Variants in FANCD2 observed in about 807,000 individuals in gnomAD.
FANCD2 encodes FA complementation group D2, also known as Fanconi anemia group D2 protein.
FANCD2 carries 131 observed loss-of-function variants against 192.3 expected under a neutral mutation model. The observed-to-expected ratio is 0.68, with a 90% CI of 0.59 to 0.79. FANCD2 has a LOEUF of 0.79. FANCD2 is among the 30% of genes least tolerant of loss of function. The pLI is 0.00. For missense variants in FANCD2, 1,508 were observed against 1,701.6 expected (o/e 0.89, Z 2.00); for synonymous variants, 524 against 612.5 (o/e 0.86, Z 2.13).
chr3:10,041,021 C>G (rs2086851075), intron 9 of FANCD2: 1 of 163,108 alleles, frequency 6.1e-6, no homozygotes, highest in Non-Finnish European at 1.3e-5. Context: ...TGGTGAAAAG[C>G]CGTCTTTCAA....
In FANCD2 at chr3:10,087,259, A is replaced by C. The variant is rs1559403675; in HGVS notation, c.3461A>C (p.Lys1154Thr). 2 of 1,605,648 alleles carry C rather than the reference A, an allele frequency of 1.2e-6. No individual in the cohort carries two copies. Among genetic ancestry groups the C allele is most frequent in the Admixed American group, 3.4e-5 (2 of 59,668 alleles). ...KSTASAQNKE[K>T]IASLARQFLC... The stretch of plus-strand genomic sequence containing the variant: ...ACAGCTTCTGCTCAGAACAAAGAAA[A>C]AATTGGTGATGGGCCTAGATCCTTT... Residue 1154 changes from lysine (K) to threonine (T), a missense_variant, in exon 34 of 44, where the codon AAA (lysine) becomes ACA (threonine). Lys to Thr is a moderately conservative substitution (Grantham distance 78). Transcript: ENST00000675286.
chr3:10,079,547 G>A (rs994571076), intron 30 of FANCD2, among the ~76,000 whole-genome samples: 11 of 151,750 alleles, frequency 7.2e-5, no homozygotes, highest in African/African-American at 2.7e-4. Flanking sequence ...CTCATGATCC[G>A]CCCACCTCGG....
chr3:10,101,376 T>C lies in FANCD2; in HGVS notation c.*114T>C. On this transcript the variant is annotated 3_prime_UTR_variant, in exon 44 of 44. Coordinates refer to ENST00000675286, the MANE Select transcript of FANCD2 (RefSeq NM_001018115.3). ...TACTGGTAGGATCCTTTTTTGTTCC[T>C]CTTTTTTTTTTTTTTTTTTTTTTTT... The C allele has an allele frequency of 1.7e-5, 9 of 514,648 alleles. No individual in the cohort carries two copies. Among genetic ancestry groups the C allele is most frequent in the Non-Finnish European group, 2.1e-5 (6 of 288,466 alleles). The allele number at this position is 514,648 out of a possible 1,614,324, so 31.9% of individuals were successfully genotyped here.
At chr3:10,095,438 G>T (rs1477814460) in intron 41 of FANCD2, 164 bp downstream of exon 41, 2 of 674,854 alleles carry the variant, frequency 3.0e-6, no homozygotes, top group Non-Finnish European at 5.4e-6. Context: ...TTGAGATTGG[G>T]CAGTCCTCTA....
At chr3:10,040,662 T>A (rs1239863521) in intron 9 of FANCD2, 4 of 416,308 alleles carry the variant, frequency 9.6e-6, no homozygotes, top group Non-Finnish European at 9.5e-6. Flanking sequence ...TATCCCTAGG[T>A]AATAAAGTTT....
chr3:10,071,125 T>TAAAAAAAA (rs35134252), intron 26 of FANCD2, among the ~76,000 whole-genome samples: 4 of 77,892 alleles, frequency 5.1e-5, no homozygotes, highest in South Asian at 4.0e-4. Context: ...GAATGATCGA[T>TAAAAAAAA]AAAAAAAAAA....
Position 10,069,597 on chromosome 3 carries a change from G to A in FANCD2, c.2494+2280G>A, listed in dbSNP as rs959380016. On this transcript the variant is annotated intron_variant, in intron 26 of 43. Transcript: ENST00000675286. ...CTGCCTCAGCCTGCCGAGTGCCTGC[G>A]ATTGCAGGCGCGCGCCGCCACGCCT... is the stretch of plus-strand genomic sequence containing the variant. 5.3e-5 allele frequency among the ~76,000 whole-genome samples: 8 copies of A among 151,578 alleles called. No individual in the cohort carries two copies. The South Asian group carries it at 8.3e-4, about 16-fold the overall frequency.
chr3:10,090,013 A>G (rs1694488563), intron 36 of FANCD2, among the ~76,000 whole-genome samples: 1 of 152,248 alleles, frequency 6.6e-6, no homozygotes, highest in Admixed American at 6.5e-5. Context: ...AAATAAACAT[A>G]GAACCAGGAC....
intron 30 of FANCD2, among the ~76,000 whole-genome samples, chr3:10,080,390 C>T (rs1693769831): frequency 6.6e-6 from 1 of 152,194 alleles, no homozygotes; most frequent in African/African-American, 2.4e-5. Context: ...TGTGCCACCG[C>T]ACTCAGCTAA....
Position 10,060,347 on chromosome 3 carries a change from C to G in FANCD2, c.1710C>G (p.Tyr570Ter). The G allele has an allele frequency of 6.2e-7, 1 of 1,613,610 alleles. No homozygotes were observed. Among genetic ancestry groups the G allele is most frequent in the Non-Finnish European group, 8.5e-7 (1 of 1,179,998 alleles). Reference sequence around the variant, plus strand: ...AGCTCTCTAGCACCGTATTCAAGTACAAGCTCATTGGGATTATTGGTGCTG... The same window carrying G: ...AGCTCTCTAGCACCGTATTCAAGTAGAAGCTCATTGGGATTATTGGTGCTG... ...RKQLSSTVFKYKLIGIIGAVT... is the reference protein window; with the variant it reads ...RKQLSSTVFK The change falls in exon 19 of 44, where the codon TAC (tyrosine) becomes TAG (stop). Residue 570 changes from tyrosine (Y) to a stop codon, truncating the protein, a stop_gained. Transcript: ENST00000675286. LOFTEE classifies it high-confidence loss of function.
At position 10,043,497 on chromosome 3, in the gene FANCD2, C is replaced by A. The variant is rs2086917516; in HGVS notation, c.1003C>A (p.Gln335Lys). ...TGCTACTTGTAGTTCCTCAGGAAAT[C>A]AAGAAAGCAGCGGTCAGAGCTGTAT... ...SKGRASSSGN[Q>K]ESSGQSCIIL... Residue 335 changes from glutamine (Q) to lysine (K), a missense_variant, in exon 13 of 44, where the codon CAA becomes AAA. By Grantham distance (53) the Gln-to-Lys change is moderately conservative. Around this residue, in one of 5 missense-constraint regions of FANCD2, gnomAD observed 435 missense variants for 421.9 expected, o/e 1.03. Transcript: ENST00000675286. The A allele has an allele frequency of 6.2e-7, 1 of 1,613,280 alleles. No individual in the cohort carries two copies. Among genetic ancestry groups the A allele is most frequent in the Non-Finnish European group, 8.5e-7 (1 of 1,179,488 alleles).
intron 26 of FANCD2, among the ~76,000 whole-genome samples, chr3:10,071,251 A>G (rs940503245): frequency 1.3e-5 from 2 of 152,348 alleles, no homozygotes; most frequent in East Asian, 1.9e-4. Context: ...GGGAATGTCA[A>G]TTAGTACAAG....
chr3:10,055,993 C>G (rs1006299653), intron 18 of FANCD2, among the ~76,000 whole-genome samples: 2 of 152,092 alleles, frequency 1.3e-5, no homozygotes, highest in African/African-American at 4.8e-5. Flanking sequence ...GTTCTCTTGC[C>G]TCAGCCTCCT....
chr3:10,075,057 GTGT>G (rs1249216663), intron 29 of FANCD2, among the ~76,000 whole-genome samples: 2 of 152,060 alleles, frequency 1.3e-5, no homozygotes, highest in Non-Finnish European at 2.9e-5. Flanking sequence ...GTCCTATTTT[GTGT>G]TTGCCACTAA....
intron 19 of FANCD2, among the ~76,000 whole-genome samples, 157 bp from the exon 20 acceptor site, chr3:10,061,994 A>G (rs905197669): frequency 6.6e-6 from 1 of 151,754 alleles, no homozygotes; most frequent in Non-Finnish European, 1.5e-5. Flanking sequence ...GGGGAGGGAT[A>G]GCATTAGGAG....
rs769227516 is a variant in FANCD2 at position 10,087,279 on chromosome 3, T to C, written c.3466+15T>C. 1.3e-5 allele frequency: 19 copies of C among 1,512,020 alleles called. No homozygotes were observed. Among genetic ancestry groups the C allele is most frequent in the Non-Finnish European group, 1.6e-5 (18 of 1,122,786 alleles). The allele number at this position is 1,512,020 out of a possible 1,614,324, so 93.7% of individuals were successfully genotyped here. A position where few individuals can be genotyped will look rare whatever the true frequency, so the allele number is the denominator to read the frequency against. On this transcript the variant is annotated intron_variant, in intron 34 of 43. Coordinates refer to ENST00000675286, the MANE Select transcript of FANCD2 (RefSeq NM_001018115.3). ...AGAAAAAATTGGTGATGGGCCTAGA[T>C]CCTTTTTTTTTTTTTTTTTTTAATG...
intron 18 of FANCD2, among the ~76,000 whole-genome samples, chr3:10,056,654 C>T (rs1214972556): frequency 1.3e-5 from 2 of 152,174 alleles, no homozygotes; most frequent in Non-Finnish European, 2.9e-5. Context: ...ACCTCAGCCT[C>T]CTGAGTACCT....
chr3:10,051,179 G>A (rs1282409370), intron 17 of FANCD2, among the ~76,000 whole-genome samples: 1 of 150,774 alleles, frequency 6.6e-6, no homozygotes, highest in Non-Finnish European at 1.5e-5. Flanking sequence ...AGGAGATCGA[G>A]ACCATCCCGG....
chr3:10,029,416 A>G (rs971614490), intron 2 of FANCD2, among the ~76,000 whole-genome samples: 1 of 152,148 alleles, frequency 6.6e-6, no homozygotes, highest in Non-Finnish European at 1.5e-5. Context: ...TGGAAGGATC[A>G]CTTGAGCTCA....
Sources: gnomAD v4.1 joint callset for allele counts (sites outside exome capture counted in the v4.1 genomes callset) on GRCh38, gnomAD v4.1.1 for gene constraint, gnomAD v4.1.1 regional missense constraint, MANE v1.5 for transcripts, NCBI Gene and HGNC (gene_info 2026-07-23, HGNC 2026-07-21) for gene names.